OLFM4: variants seen among roughly 807,000 people sequenced by gnomAD.
The protein encoded by OLFM4 is olfactomedin 4.
Under a neutral mutation model 25.5 loss-of-function variants are expected in OLFM4, and 22 were observed. The observed-to-expected ratio is 0.86, with a 90% CI of 0.62 to 1.23. The LOEUF (loss-of-function observed/expected upper bound fraction) is 1.23. OLFM4 is among the 50% of genes most tolerant of loss of function. OLFM4 has a pLI of 0.00. For missense variants in OLFM4, 594 were observed against 619.4 expected (o/e 0.96, Z 0.44); for synonymous variants, 255 against 237.7 (o/e 1.07, Z -0.67).
At chr13:53,033,904 C>T (rs141408192) in intron 1 of OLFM4, among the ~76,000 whole-genome samples, 1,966 of 116,362 alleles carry the variant, frequency 0.017, 19 homozygotes, top group Middle Eastern at 0.071. Context: ...ACTGAAAATA[C>T]AAAAAATTAG....
intron 1 of OLFM4, among the ~76,000 whole-genome samples, chr13:53,034,056 CAAAAA>C (rs397851637): frequency 0.083 from 3,334 of 40,226 alleles, 16 homozygotes; most frequent in South Asian, 0.19. Flanking sequence ...GACTCCGTCT[CAAAAA>C]AAAAAAAAAA....
chr13:53,043,854 A>G (rs1311496969), intron 4 of OLFM4, among the ~76,000 whole-genome samples: 10 of 152,108 alleles, frequency 6.6e-5, no homozygotes, highest in Non-Finnish European at 1.3e-4. Flanking sequence ...GCCATTCCTC[A>G]TGGATTGTGA....
Position 53,034,430 on chromosome 13 carries a change from T to C in OLFM4, c.287T>C (p.Val96Ala). 2 of 1,614,106 alleles carry C rather than the reference T, an allele frequency of 1.2e-6. No homozygotes were observed. The highest frequency in any genetic ancestry group is 1.7e-6 in the Non-Finnish European group (2 of 1,179,992). The change falls in exon 2 of 5, where the codon GTG becomes GCG. Residue 96 changes from valine to alanine, a missense_variant. Transcript: ENST00000219022. Reference sequence around the variant, plus strand: ...TCCCTGCCAGACACCACCTTTCCCGTGGACAGAGTGGAACGCTTGGAATTC... The same window carrying C: ...TCCCTGCCAGACACCACCTTTCCCGCGGACAGAGTGGAACGCTTGGAATTC... ...SVSLPDTTFP[V>A]DRVERLEFTA...
At chr13:53,034,592 T>C in intron 2 of OLFM4, 92 bp downstream of exon 2, 2 of 1,095,202 alleles carry the variant, frequency 1.8e-6, no homozygotes, top group Non-Finnish European at 2.6e-6. Context: ...CATTCTTCAC[T>C]ATCAAAGACA....
intron 4 of OLFM4, among the ~76,000 whole-genome samples, chr13:53,049,355 T>C (rs1250022429): frequency 6.6e-6 from 1 of 152,152 alleles, no homozygotes; most frequent in Non-Finnish European, 1.5e-5. Context: ...TAAAATGCTA[T>C]ATTTAAAACA....
At position 53,050,066 on chromosome 13, in the gene OLFM4, G is replaced by T. The variant is rs1365609779; in HGVS notation, c.828G>T (p.Arg276Ser). 1 of 1,613,832 alleles carries T rather than the reference G, an allele frequency of 6.2e-7. No homozygotes were observed. The highest frequency in any genetic ancestry group is 8.5e-7 in the Non-Finnish European group (1 of 1,179,926). ...CTTATCTATATGGTGCTTGGGGTAG[G>T]GATTACTCTCCCCAGCATCCAAACA... The part of the protein sequence containing the change: ...GFSYLYGAWG[R>S]DYSPQHPNKG... The change falls in exon 5 of 5, where the codon AGG (arginine) becomes AGT (serine). Residue 276 changes from arginine (R) to serine (S), a missense_variant. Coordinates refer to ENST00000219022, the MANE Select transcript of OLFM4 (RefSeq NM_006418.5).
intron 4 of OLFM4, among the ~76,000 whole-genome samples, chr13:53,044,880 C>A (rs914833077): frequency 6.6e-6 from 1 of 152,144 alleles, no homozygotes; most frequent in Non-Finnish European, 1.5e-5. Flanking sequence ...AACGAGCTCC[C>A]CAACACCCCT....
chr13:53,038,476 T>C (rs1208598951), intron 2 of OLFM4, among the ~76,000 whole-genome samples: 2 of 152,194 alleles, frequency 1.3e-5, no homozygotes, highest in Non-Finnish European at 2.9e-5. Context: ...GTACAGCCTG[T>C]GACTGTACTG....
intron 2 of OLFM4, among the ~76,000 whole-genome samples, chr13:53,035,053 A>AT (rs1266735523): frequency 1.3e-5 from 2 of 149,818 alleles, no homozygotes; most frequent in Non-Finnish European, 3.0e-5. Flanking sequence ...TGGGGGGGAC[A>AT]TTTTTGGGTA....
intron 1 of OLFM4, 78 bp downstream of exon 1, chr13:53,029,118 G>T: frequency 6.3e-7 from 1 of 1,585,746 alleles, no homozygotes. Flanking sequence ...ACAATTTCAT[G>T]GATGGCTAGA....
At position 53,029,446 on chromosome 13, in the gene OLFM4, T is replaced by C. The variant is rs551827920; in HGVS notation, c.204+406T>C. On this transcript the variant is annotated intron_variant, in intron 1 of 4. Coordinates refer to ENST00000219022, the MANE Select transcript of OLFM4 (RefSeq NM_006418.5). ...CTAATATATAGTCCAAGATGGGAAC[T>C]GTTAGGGAAAGACTCTGTGAGTTGC... Among the ~76,000 whole-genome samples the C allele has an allele frequency of 1.7e-4, 26 of 152,296 alleles. No homozygotes were observed. In the South Asian group the frequency reaches 5.0e-3, roughly 29 times the overall value.
intron 2 of OLFM4, among the ~76,000 whole-genome samples, chr13:53,039,420 G>C (rs1182949391): frequency 1.3e-5 from 2 of 152,016 alleles, no homozygotes; most frequent in African/African-American, 4.8e-5. Context: ...CATAGCCTTG[G>C]TTCCGCATCT....
chr13:53,050,352 C>T lies in OLFM4; in HGVS notation c.1114C>T (p.Arg372Cys), dbSNP rs749712648. The T allele has an allele frequency of 8.1e-6, 13 of 1,614,044 alleles. No homozygotes were observed. Among genetic ancestry groups the T allele is most frequent in the South Asian group, 1.1e-5 (1 of 91,072 alleles). ...QTLPNAAYNN[R>C]FSYANVAWQD... ...TCTCCCTAATGCTGCCTATAATAACCGCTTTTCATATGCTAATGTTGCTTG... is the reference window on the plus strand; with the variant it reads ...TCTCCCTAATGCTGCCTATAATAACTGCTTTTCATATGCTAATGTTGCTTG... The change falls in exon 5 of 5, where the codon CGC (arginine) becomes TGC (cysteine). Residue 372 changes from arginine to cysteine, a missense_variant. By Grantham distance (180) the Arg-to-Cys change is radical. Transcript: ENST00000219022.
At chr13:53,032,445 T>G (rs1180181165) in intron 1 of OLFM4, among the ~76,000 whole-genome samples, 1 of 152,208 alleles carries the variant, frequency 6.6e-6, no homozygotes, top group African/African-American at 2.4e-5. Flanking sequence ...AGTTGGAGTC[T>G]TTCTATCTTT....
chr13:53,040,426 A>G (rs1292024012), intron 2 of OLFM4, among the ~76,000 whole-genome samples: 1 of 152,236 alleles, frequency 6.6e-6, no homozygotes, highest in African/African-American at 2.4e-5. Context: ...TCTCTATGCC[A>G]CTTTGTAAAA....
intron 1 of OLFM4, among the ~76,000 whole-genome samples, chr13:53,033,634 T>G (rs1954640421): frequency 6.6e-6 from 1 of 152,228 alleles, no homozygotes; most frequent in Non-Finnish European, 1.5e-5. Context: ...GTTATCTCTA[T>G]TTTACAGATG....
intron 2 of OLFM4, among the ~76,000 whole-genome samples, chr13:53,038,777 T>C (rs375934625): frequency 6.6e-6 from 1 of 152,330 alleles, no homozygotes; most frequent in East Asian, 1.9e-4. Context: ...TGGTCAGCAT[T>C]GTCCACGCAT....
intron 2 of OLFM4, among the ~76,000 whole-genome samples, chr13:53,035,787 G>T (rs1333010104): frequency 2.0e-5 from 3 of 152,038 alleles, no homozygotes; most frequent in Non-Finnish European, 4.4e-5. Context: ...TTTTTCTTTA[G>T]CCAGAGGAAG....
intron 4 of OLFM4, among the ~76,000 whole-genome samples, chr13:53,049,260 C>T (rs769500875): frequency 2.6e-5 from 4 of 152,178 alleles, no homozygotes; most frequent in South Asian, 2.1e-4. Flanking sequence ...GCATTGGGTA[C>T]GGAGCAGGCA....
Sources: allele counts gnomAD v4.1 joint callset (sites outside exome capture counted in the v4.1 genomes callset), GRCh38; gene constraint gnomAD v4.1.1; transcripts MANE v1.5; gene names NCBI Gene and HGNC (gene_info 2026-07-23, HGNC 2026-07-21).